SRFBP1: variants seen among roughly 807,000 people sequenced by gnomAD.
The protein encoded by SRFBP1 is serum response factor-binding protein 1.
In SRFBP1, 47 loss-of-function variants were observed where a neutral mutation model predicts 45.5. That is an observed-to-expected ratio of 1.03 (90% CI 0.82 to 1.32). The LOEUF (loss-of-function observed/expected upper bound fraction) is 1.32, where lower values mean the gene tolerates loss of function less well. Ranked by LOEUF, SRFBP1 falls within the 40% of genes most tolerant of loss-of-function variation. The probability of loss-of-function intolerance (pLI) is 0.00; values close to 1 mark genes in which losing one functional copy is unlikely to be tolerated. For synonymous variants in SRFBP1, 203 were observed against 166.3 expected (o/e 1.22, Z -1.70); for missense variants, 621 against 484.6 (o/e 1.28, Z -2.64).
intron 4 of SRFBP1, among the ~76,000 whole-genome samples, chr5:122,008,285 G>A (rs72786960): frequency 2.8e-4 from 42 of 152,224 alleles, no homozygotes; most frequent in Non-Finnish European, 5.1e-4. Context: ...ACAATTTGCT[G>A]TGTAGGCCTG....
intron 2 of SRFBP1, among the ~76,000 whole-genome samples, chr5:122,049,483 C>A (rs954920789): frequency 6.6e-6 from 1 of 152,162 alleles, no homozygotes; most frequent in African/African-American, 2.4e-5. Context: ...AGAAAGTTAA[C>A]AAGGATATCC....
chr5:122,077,757 G>A (rs1190393348), downstream of SRFBP1: 2 of 1,555,260 alleles, frequency 1.3e-6, no homozygotes, highest in Admixed American at 3.8e-5. The surrounding 1 kb of genome is among the most constrained non-coding windows in gnomAD (Gnocchi z 4.9). Flanking sequence ...GCTGCACCAG[G>A]GACGGCGGCG....
intron 3 of SRFBP1, among the ~76,000 whole-genome samples, chr5:121,977,892 T>G (rs1019927110): frequency 1.3e-5 from 2 of 152,194 alleles, no homozygotes; most frequent in Non-Finnish European, 1.5e-5. Context: ...GACTATGGTG[T>G]ATGAAACCCA....
chr5:122,046,514 C>T (rs1311802417), intron 2 of SRFBP1, among the ~76,000 whole-genome samples: 1 of 152,126 alleles, frequency 6.6e-6, no homozygotes, highest in Non-Finnish European at 1.5e-5. Flanking sequence ...CATACGTGTG[C>T]ATGTGTCTTT....
At chr5:121,992,898 T>C (rs974863185) in intron 3 of SRFBP1, among the ~76,000 whole-genome samples, 5 of 152,074 alleles carry the variant, frequency 3.3e-5, no homozygotes, top group Non-Finnish European at 7.4e-5. Context: ...GAATGAGCTT[T>C]TTAAAAATTT....
chr5:121,983,560 T>C (rs1268378998), intron 3 of SRFBP1, among the ~76,000 whole-genome samples: 1 of 151,834 alleles, frequency 6.6e-6, no homozygotes, highest in Non-Finnish European at 1.5e-5. Context: ...TATCTGGTAA[T>C]GTTTATGTTT....
intron 1 of SRFBP1, among the ~76,000 whole-genome samples, chr5:121,969,173 TAA>T: frequency 1.3e-5 from 2 of 152,306 alleles, no homozygotes; most frequent in Middle Eastern, 6.8e-3. Context: ...CCTAAATGTA[TAA>T]GAGATTGTGT....
At chr5:122,021,579 T>G (rs1753322241) in intron 6 of SRFBP1, among the ~76,000 whole-genome samples, 1 of 152,120 alleles carries the variant, frequency 6.6e-6, no homozygotes, top group Admixed American at 6.6e-5. Context: ...AAATATTTAC[T>G]TATATTTTCC....
intron 3 of SRFBP1, among the ~76,000 whole-genome samples, chr5:121,979,868 G>T (rs1163718075): frequency 2.0e-5 from 3 of 152,154 alleles, no homozygotes; most frequent in Non-Finnish European, 4.4e-5. Flanking sequence ...TAGCTTACAT[G>T]ATGTTCTCCA....
rs546230848 is a variant in SRFBP1 at position 122,003,178 on chromosome 5, A to G, written c.270+8508A>G. Among the ~76,000 whole-genome samples the G allele has an allele frequency of 1.0e-3, 153 of 152,064 alleles. 1 individual carries two copies. The highest frequency in any genetic ancestry group is 3.6e-3 in the African/African-American group (151 of 41,478). On this transcript the variant is annotated intron_variant, in intron 4 of 7. Transcript: ENST00000339397. ...GGCAACTTGGTGAAACCCTATCTCT[A>G]CAAAAACATCCAAAAAATAAGCTGG... is the stretch of plus-strand genomic sequence containing the variant.
chr5:121,965,924 A>G (rs1053459765), intron 1 of SRFBP1, among the ~76,000 whole-genome samples: 1 of 152,116 alleles, frequency 6.6e-6, no homozygotes, highest in Non-Finnish European at 1.5e-5. Flanking sequence ...TTGTATTTCT[A>G]GGCATTTTAT....
intron 1 of SRFBP1, among the ~76,000 whole-genome samples, chr5:121,964,879 G>A (rs1277903090): frequency 1.3e-5 from 2 of 151,990 alleles, no homozygotes; most frequent in African/African-American, 2.4e-5. Flanking sequence ...TTTAATGATC[G>A]CCATTCTAAC....
At position 122,050,081 on chromosome 5, in the gene SRFBP1, C is replaced by T. The variant is rs138343418; in HGVS notation, n.312-25234C>T. On this transcript the variant is annotated intron_variant and non_coding_transcript_variant, in intron 2 of 2. Coordinates refer to the SRFBP1 transcript ENST00000504881. The stretch of plus-strand genomic sequence containing the variant: ...GCATATGTTGAACCAATCTTGCATC[C>T]CAGGGATGAAACCCACTTCATTGGG... Among the ~76,000 whole-genome samples, 786 of 152,222 alleles carry T rather than the reference C, an allele frequency of 5.2e-3. 20 individuals carry two copies. The East Asian group carries it at 0.053, about 10-fold the overall frequency.
chr5:121,967,099 A>G (rs1752088423), intron 1 of SRFBP1, among the ~76,000 whole-genome samples: 1 of 151,968 alleles, frequency 6.6e-6, no homozygotes, highest in South Asian at 2.1e-4. Flanking sequence ...GGCCTATTTT[A>G]TTGTTTGATA....
chr5:122,013,635 T>C (rs1753138711), intron 4 of SRFBP1, among the ~76,000 whole-genome samples: 1 of 152,152 alleles, frequency 6.6e-6, no homozygotes, highest in African/African-American at 2.4e-5. Flanking sequence ...GACAGATGTT[T>C]ATAGAAAGGG....
downstream of SRFBP1, among the ~76,000 whole-genome samples, chr5:122,033,086 G>T (rs1183632349): frequency 6.6e-6 from 1 of 151,488 alleles, no homozygotes; most frequent in Admixed American, 6.6e-5. Flanking sequence ...GAGGATAGTT[G>T]AATACTTTTT....
chr5:121,969,966 A>G (rs1458810842), intron 1 of SRFBP1, among the ~76,000 whole-genome samples: 1 of 152,094 alleles, frequency 6.6e-6, no homozygotes, highest in African/African-American at 2.4e-5. Context: ...AATTCTAACA[A>G]TGATAGTTCT....
intron 2 of SRFBP1, among the ~76,000 whole-genome samples, chr5:122,060,384 G>A (rs769290512): frequency 2.4e-4 from 37 of 151,846 alleles, no homozygotes; most frequent in Non-Finnish European, 4.4e-4. Flanking sequence ...CCCTCATCTG[G>A]GCAATCATTT....
At chr5:122,033,091 C>A (rs1419151250), downstream of SRFBP1, among the ~76,000 whole-genome samples, 1 of 150,856 alleles carries the variant, frequency 6.6e-6, no homozygotes, top group African/African-American at 2.4e-5. Flanking sequence ...TAGTTGAATA[C>A]TTTTTAATGT....
Sources: allele counts gnomAD v4.1 joint callset (sites outside exome capture counted in the v4.1 genomes callset), GRCh38; gene constraint gnomAD v4.1.1; non-coding constraint Gnocchi (gnomAD v3.1); transcripts MANE v1.5; gene names NCBI Gene and HGNC (gene_info 2026-07-23, HGNC 2026-07-21).